Variants in CLBA1 observed in about 807,000 individuals in gnomAD.
CLBA1 encodes the protein clathrin binding box of aftiphilin containing 1.
A neutral mutation model predicts 28.8 loss-of-function variants in CLBA1; 30 were observed. The observed-to-expected ratio is 1.04, with a 90% CI of 0.78 to 1.41. CLBA1 has a LOEUF of 1.41. Ranked by LOEUF, CLBA1 falls within the 40% of genes most tolerant of loss-of-function variation. The pLI, the probability that CLBA1 is intolerant of heterozygous loss-of-function variation, is 0.00. For missense variants in CLBA1, 451 were observed against 412.3 expected (o/e 1.09, Z -0.81); for synonymous variants, 160 against 152.8 (o/e 1.05, Z -0.35).
rs915556711 is a variant in CLBA1, at chr14:104,985,835, C to G, written c.-597C>G. The stretch of plus-strand genomic sequence containing the variant: ...GGAGGGAACGGCTGGTTGCAGGTTT[C>G]TCTCGCCCTGGTCCCGCGCGGCCCC... On this transcript the variant is annotated 5_prime_UTR_variant, in exon 1 of 5. Coordinates refer to ENST00000547315, the MANE Select transcript of CLBA1 (RefSeq NM_174891.4). The G allele has an allele frequency of 6.5e-6, 2 of 305,478 alleles. No individual in the cohort carries two copies. Among genetic ancestry groups the G allele is most frequent in the South Asian group, 2.2e-5 (1 of 46,394 alleles). The allele number at this position is 305,478 out of a possible 1,614,324, so 18.9% of individuals were successfully genotyped here.
chr14:104,988,335 C>CTTTTTTTT (rs33995599), intron 1 of CLBA1, among the ~76,000 whole-genome samples: 5 of 138,992 alleles, frequency 3.6e-5, no homozygotes, highest in African/African-American at 1.4e-4. Context: ...TGTATAATTT[C>CTTTTTTTT]TTTTTTTTTT....
intron 2 of CLBA1, chr14:104,989,303 C>A: frequency 5.7e-6 from 3 of 529,340 alleles, no homozygotes; most frequent in Non-Finnish European, 1.0e-5. Flanking sequence ...TCCTCCTCCC[C>A]AGCCAGCTCA....
At chr14:105,000,083 A>G (rs1026519285), downstream of CLBA1, among the ~76,000 whole-genome samples, 4 of 152,226 alleles carry the variant, frequency 2.6e-5, no homozygotes, top group Non-Finnish European at 5.9e-5. Flanking sequence ...AATAACACAC[A>G]GCGAGGAAAA....
chr14:104,988,830 A>G, intron 1 of CLBA1, 113 bp from the exon 2 acceptor site: 1 of 1,111,290 alleles, frequency 9.0e-7, no homozygotes. Context: ...AGTAACACTA[A>G]TGGTATGATC....
chr14:104,986,666 G>C lies in CLBA1; in HGVS notation c.235G>C (p.Gly79Arg), dbSNP rs1445022556. 4 of 1,614,066 alleles carry C rather than the reference G, an allele frequency of 2.5e-6. No homozygotes were observed. In the Admixed American group the frequency reaches 6.7e-5, roughly 27 times the overall value. ...CCCTGGGGAACACAGCAGCACTTGG[G>C]GGGAGTTTGAAGGCTTTCGGGAATC... ...PDPGEHSSTW[G>R]EFEGFRESSA... The change falls in exon 1 of 5, where the codon GGG becomes CGG. Residue 79 changes from glycine to arginine, a missense_variant. Physicochemically the swap from Gly to Arg is moderately radical, Grantham distance 125. Coordinates refer to ENST00000547315, the MANE Select transcript of CLBA1 (RefSeq NM_174891.4).
chr14:104,998,219 C>T (rs1900189342), downstream of CLBA1, among the ~76,000 whole-genome samples: 2 of 151,134 alleles, frequency 1.3e-5, no homozygotes, highest in African/African-American at 2.4e-5. Flanking sequence ...CCAGGCTGGG[C>T]AACATAGTGA....
intron 1 of CLBA1, 133 bp downstream of exon 1, chr14:104,986,987 C>T: frequency 9.3e-7 from 1 of 1,074,590 alleles, no homozygotes; most frequent in Non-Finnish European, 1.3e-6. Flanking sequence ...TCTCTCCTGG[C>T]CTTCGTCCCT....
intron 1 of CLBA1, among the ~76,000 whole-genome samples, chr14:104,987,617 T>C (rs1188324206): frequency 8.6e-6 from 1 of 116,546 alleles, no homozygotes; most frequent in Non-Finnish European, 1.8e-5. Flanking sequence ...TTTTTTTTTT[T>C]TTTTTTTTTT....
Position 104,986,439 on chromosome 14 carries a change from G to C in CLBA1, c.8G>C (p.Gly3Ala), listed in dbSNP as rs574097354. 1 of 1,612,282 alleles carries C rather than the reference G, an allele frequency of 6.2e-7. No homozygotes were observed. Among genetic ancestry groups the C allele is most frequent in the South Asian group, 1.1e-5 (1 of 91,080 alleles). MQGRRELGGEPLS... is the reference protein window; with the variant it reads MQARRELGGEPLS... ...TGGCCTGGGGGCTCCAAGATGCAAG[G>C]CCGGCGGGAGCTGGGGGGAGAGCCT... is the stretch of plus-strand genomic sequence containing the variant. The change falls in exon 1 of 5, where the codon GGC becomes GCC. Residue 3 changes from glycine (G) to alanine (A), a missense_variant. Physicochemically the swap from Gly to Ala is moderately conservative, Grantham distance 60. Transcript: ENST00000547315.
At position 104,986,765 on chromosome 14, in the gene CLBA1, A is replaced by G; in HGVS notation, c.334A>G (p.Thr112Ala). 1 of 1,613,966 alleles carries G rather than the reference A, an allele frequency of 6.2e-7. No homozygotes were observed. The highest frequency in any genetic ancestry group is 1.1e-5 in the South Asian group (1 of 91,082). Residue 112 changes from threonine to alanine, a missense_variant, in exon 1 of 5, where the codon ACC becomes GCC. Physicochemically the swap from Thr to Ala is moderately conservative, Grantham distance 58. Coordinates refer to ENST00000547315, the MANE Select transcript of CLBA1 (RefSeq NM_174891.4). ...ACCCACAGAACCCCAGCCACCGAGA[A>G]CCACTTCTGCCCCAAAAGAGTGCAG... ...EGPTEPQPPR[T>A]TSAPKECSSH...
In CLBA1 at chr14:104,994,846, T is replaced by C. The variant is rs1304077608; in HGVS notation, c.*87T>C. The C allele has an allele frequency of 9.9e-6, 15 of 1,514,672 alleles. No homozygotes were observed. Among genetic ancestry groups the C allele is most frequent in the African/African-American group, 2.8e-5 (2 of 71,884 alleles). 93.8% of individuals were successfully genotyped at this position (1,514,672 alleles called of 1,614,324 possible). On this transcript the variant is annotated 3_prime_UTR_variant, in exon 5 of 5. Coordinates refer to ENST00000547315, the MANE Select transcript of CLBA1 (RefSeq NM_174891.4). ...TGGAAACCAGAGCTGTCTGTGGAGC[T>C]GTTTTCCAGACCCCAGGCCCATTCC...
At position 104,988,958 on chromosome 14, in the gene CLBA1, G is replaced by A; in HGVS notation, c.439G>A (p.Glu147Lys). 6.2e-7 allele frequency: 1 copy of A among 1,611,794 alleles called. No individual in the cohort carries two copies. Among genetic ancestry groups the A allele is most frequent in the Non-Finnish European group, 8.5e-7 (1 of 1,178,860 alleles). The change falls in exon 2 of 5, where the codon GAG (glutamate) becomes AAG (lysine). Residue 147 changes from glutamate to lysine, a missense_variant. Coordinates refer to ENST00000547315, the MANE Select transcript of CLBA1 (RefSeq NM_174891.4). ...VPPSEPILSY[E>K]NILKCAFQEI... ...TTCTTTTCAGCCCATTCTCAGCTAT[G>A]AGAACATTTTAAAGTGTGCTTTTCA...
chr14:104,986,839 C>A lies in CLBA1; in HGVS notation c.408C>A (p.Ala136=). 1 of 1,613,138 alleles carries A rather than the reference C, an allele frequency of 6.2e-7. No homozygotes were observed. Among genetic ancestry groups the A allele is most frequent in the Non-Finnish European group, 8.5e-7 (1 of 1,179,944 alleles). ...QGGPWVTGTS[A]VPPSEPILSY... is the part of the protein sequence containing the mutation. ...GACCTTGGGTGACAGGAACTTCTGC[C>A]GTCCCACCTTCTGAGGTATTTCTGC... Residue 136 remains alanine (A), a synonymous_variant, in exon 1 of 5, where the codon GCC becomes GCA. Transcript: ENST00000547315.
At chr14:104,991,683 G>A in intron 3 of CLBA1, 63 bp downstream of exon 3, 3 of 1,534,148 alleles carry the variant, frequency 2.0e-6, no homozygotes, top group Admixed American at 2.0e-5. Flanking sequence ...GTCACCAGTG[G>A]CCCTTGGCCG....
At position 104,986,419 on chromosome 14, in the gene CLBA1, T is replaced by A. The variant is rs1279323686; in HGVS notation, c.-13T>A. The A allele has an allele frequency of 6.2e-7, 1 of 1,610,160 alleles. No individual in the cohort carries two copies. The highest frequency in any genetic ancestry group is 8.5e-7 in the Non-Finnish European group (1 of 1,179,246). Reference sequence around the variant, plus strand: ...GCTGCCCATCGGGCCTCTGCTGGCCTGGGGGCTCCAAGATGCAAGGCCGGC... The same window carrying A: ...GCTGCCCATCGGGCCTCTGCTGGCCAGGGGGCTCCAAGATGCAAGGCCGGC... On this transcript the variant is annotated 5_prime_UTR_variant, in exon 1 of 5. Coordinates refer to ENST00000547315, the MANE Select transcript of CLBA1 (RefSeq NM_174891.4).
intron 3 of CLBA1, among the ~76,000 whole-genome samples, chr14:104,992,109 C>T (rs530303727): frequency 2.7e-5 from 4 of 150,624 alleles, no homozygotes; most frequent in African/African-American, 7.3e-5. Flanking sequence ...CACCACATGC[C>T]GCCATGCACA....
chr14:104,991,935 T>C (rs536718473), intron 3 of CLBA1, among the ~76,000 whole-genome samples: 17 of 146,174 alleles, frequency 1.2e-4, no homozygotes, highest in Middle Eastern at 3.6e-3. Flanking sequence ...GCCACGCACA[T>C]GCCACCACGC....
At position 104,986,553 on chromosome 14, in the gene CLBA1, C is replaced by G. The variant is rs776902384; in HGVS notation, c.122C>G (p.Thr41Ser). 31 of 1,614,038 alleles carry G rather than the reference C, an allele frequency of 1.9e-5. No homozygotes were observed. The South Asian group carries it at 3.3e-4, about 17-fold the overall frequency. Residue 41 changes from threonine (T) to serine (S), a missense_variant, in exon 1 of 5, where the codon ACC becomes AGC. Coordinates refer to ENST00000547315, the MANE Select transcript of CLBA1 (RefSeq NM_174891.4). ...LSDDSLEWRR[T>S]CPDLLLSDGK... ...GATGACAGTTTGGAATGGAGACGGA[C>G]CTGCCCCGACCTTCTCCTGTCCGAT...
chr14:105,000,792 TTGG>T (rs1900253176), intron 2 of CLBA1, among the ~76,000 whole-genome samples: 2 of 151,910 alleles, frequency 1.3e-5, no homozygotes, highest in South Asian at 2.1e-4. Flanking sequence ...TTGTGCACTG[TTGG>T]TGGGAGTGTA....
Sources: gnomAD v4.1 joint callset for allele counts (sites outside exome capture counted in the v4.1 genomes callset) on GRCh38, gnomAD v4.1.1 for gene constraint, MANE v1.5 for transcripts, NCBI Gene and HGNC (gene_info 2026-07-23, HGNC 2026-07-21) for gene names.